The following ANKH variants were observed in gnomAD, a reference collection of about 807,000 sequenced individuals.
The protein encoded by ANKH is mineralization regulator ANKH.
In ANKH, 15 loss-of-function variants were observed where a neutral mutation model predicts 49.0. The observed-to-expected ratio is 0.31, with a 90% CI of 0.20 to 0.47. The LOEUF is 0.47. ANKH is among the 20% of genes least tolerant of loss of function. The probability of loss-of-function intolerance (pLI) is 1.00; values close to 1 mark genes in which losing one functional copy is unlikely to be tolerated. For missense variants in ANKH, 429 were observed against 652.0 expected (o/e 0.66, Z 3.72); for synonymous variants, 273 against 260.0 (o/e 1.05, Z -0.48).
chr5:14,834,983 C>G (rs1741612470), intron 1 of ANKH, among the ~76,000 whole-genome samples: 1 of 152,066 alleles, frequency 6.6e-6, no homozygotes, highest in South Asian at 2.1e-4. Context: ...ATCATTAAGA[C>G]AAAAGCACGG....
Position 14,806,674 on chromosome 5 carries a change from T to C in ANKH, c.97-37483A>G, listed in dbSNP as rs377511636. Among the ~76,000 whole-genome samples the C allele has an allele frequency of 5.3e-5, 8 of 152,226 alleles. No homozygotes were observed. The East Asian group carries it at 1.3e-3, about 26-fold the overall frequency. Reference sequence around the variant, plus strand: ...GTGTTGTTCTTGGAGGCCCTTCTAATGGGAACCGGCTGCGGCAGCTCTTCT... The same window carrying C: ...GTGTTGTTCTTGGAGGCCCTTCTAACGGGAACCGGCTGCGGCAGCTCTTCT... On this transcript the variant is annotated intron_variant, in intron 1 of 11. Transcript: ENST00000284268.
intron 1 of ANKH, chr5:14,797,826 T>C: frequency 6.2e-7 from 1 of 1,611,484 alleles, no homozygotes; most frequent in East Asian, 2.2e-5. Context: ...ACTAAGTAAG[T>C]GCCCACTGAG....
At chr5:14,830,543 G>C (rs1290455332) in intron 1 of ANKH, among the ~76,000 whole-genome samples, 6 of 147,726 alleles carry the variant, frequency 4.1e-5, no homozygotes, top group South Asian at 2.2e-4. Flanking sequence ...GTGTGTCTGT[G>C]TGTGTGTGAG....
intron 1 of ANKH, among the ~76,000 whole-genome samples, chr5:14,866,403 G>A (rs943769387): frequency 1.3e-5 from 2 of 152,102 alleles, no homozygotes; most frequent in Non-Finnish European, 2.9e-5. Flanking sequence ...CTCCTTCAAG[G>A]TCTTCACAGC....
chr5:14,735,521 CAAAAT>C (rs574491928), intron 8 of ANKH, among the ~76,000 whole-genome samples: 18 of 152,318 alleles, frequency 1.2e-4, no homozygotes, highest in Middle Eastern at 3.4e-3. Context: ...GCACCCAAAA[CAAAAT>C]AACACAAACT....
At chr5:14,719,220 T>C (rs571757567) in intron 8 of ANKH, among the ~76,000 whole-genome samples, 1 of 152,340 alleles carries the variant, frequency 6.6e-6, no homozygotes, top group East Asian at 1.9e-4. Context: ...GCAATAAGTT[T>C]TGAAGGCGGA....
At chr5:14,811,324 G>A (rs938910481) in intron 1 of ANKH, among the ~76,000 whole-genome samples, 3 of 152,142 alleles carry the variant, frequency 2.0e-5, no homozygotes, top group Admixed American at 1.3e-4. Context: ...AAACCTGTGC[G>A]GTCTTAATAG....
At chr5:14,868,172 TCACGTATGTG>T (rs1735708272) in intron 1 of ANKH, among the ~76,000 whole-genome samples, 1 of 152,188 alleles carries the variant, frequency 6.6e-6, no homozygotes. Flanking sequence ...CTTTACATGG[TCACGTATGTG>T]CAGCTTATTT....
intron 1 of ANKH, among the ~76,000 whole-genome samples, chr5:14,783,876 G>C (rs1739890914): frequency 1.3e-5 from 2 of 152,078 alleles, no homozygotes; most frequent in Admixed American, 1.3e-4. Flanking sequence ...CTTTCACTCT[G>C]TAAATCCAGA....
In ANKH at chr5:14,713,346, C is replaced by T. The variant is rs75258015; in HGVS notation, c.1265+198G>A. On this transcript the variant is annotated intron_variant, in intron 10 of 11. Transcript: ENST00000284268. The surrounding 1 kb of genome is among the most constrained non-coding windows in gnomAD (Gnocchi z 4.4). ...TCAGTGGCTATTATTCGTGTCTGGG[C>T]CTGATTTCAAAAGCACTTTTCTAAA... is the stretch of plus-strand genomic sequence containing the variant. Among the ~76,000 whole-genome samples, 1,378 of 152,314 alleles carry T rather than the reference C, an allele frequency of 9.0e-3. 14 individuals are homozygous for T. Among genetic ancestry groups the T allele is most frequent in the African/African-American group, 0.032 (1,309 of 41,552 alleles).
chr5:14,777,567 T>C (rs952161657), intron 1 of ANKH, among the ~76,000 whole-genome samples: 2 of 152,224 alleles, frequency 1.3e-5, no homozygotes, highest in Non-Finnish European at 2.9e-5. Flanking sequence ...CATTGTAAAC[T>C]TCAGATCTAG....
At chr5:14,750,974 T>C in intron 5 of ANKH, 95 bp downstream of exon 5, 3 of 1,502,616 alleles carry the variant, frequency 2.0e-6, no homozygotes, top group Non-Finnish European at 2.8e-6. Context: ...ACTTCATGTT[T>C]TGATGTCACT....
chr5:14,758,782 T>C (rs1398436000), intron 2 of ANKH, among the ~76,000 whole-genome samples, 184 bp from the exon 3 acceptor site: 1 of 152,258 alleles, frequency 6.6e-6, no homozygotes, highest in Non-Finnish European at 1.5e-5. Flanking sequence ...TCACAGCCAA[T>C]GAATGCTCTG....
chr5:14,792,665 G>T (rs1580071630), intron 1 of ANKH, among the ~76,000 whole-genome samples: 1 of 151,958 alleles, frequency 6.6e-6, no homozygotes, highest in Non-Finnish European at 1.5e-5. Context: ...ACTCATCCTT[G>T]AAGTTACGTG....
At chr5:14,849,724 T>A (rs1299655107) in intron 1 of ANKH, among the ~76,000 whole-genome samples, 1 of 152,238 alleles carries the variant, frequency 6.6e-6, no homozygotes, top group Non-Finnish European at 1.5e-5. Flanking sequence ...ATTCAGCTCA[T>A]TCTAACCATA....
At chr5:14,845,361 TA>T (rs1233510586) in intron 1 of ANKH, among the ~76,000 whole-genome samples, 5 of 27,028 alleles carry the variant, frequency 1.8e-4, no homozygotes, top group Admixed American at 4.9e-4. Context: ...TATATATATA[TA>T]TATATTTTTT....
intron 1 of ANKH, among the ~76,000 whole-genome samples, chr5:14,823,608 C>T (rs755380257): frequency 9.2e-5 from 14 of 152,296 alleles, no homozygotes; most frequent in East Asian, 3.9e-4. Context: ...CAGCCTCTTA[C>T]GCATGAGAAG....
chr5:14,726,627 C>A (rs1247448522), intron 8 of ANKH, among the ~76,000 whole-genome samples: 1 of 152,110 alleles, frequency 6.6e-6, no homozygotes, highest in African/African-American at 2.4e-5. Flanking sequence ...TGTGAGCTGT[C>A]CCATGAGCTG....
chr5:14,839,962 C>T (rs1193531531), intron 1 of ANKH, among the ~76,000 whole-genome samples: 1 of 152,186 alleles, frequency 6.6e-6, no homozygotes, highest in Non-Finnish European at 1.5e-5. Flanking sequence ...TGTGATCAAA[C>T]CCAATAAATG....
Sources: allele counts gnomAD v4.1 joint callset (sites outside exome capture counted in the v4.1 genomes callset), GRCh38; gene constraint gnomAD v4.1.1; non-coding constraint Gnocchi (gnomAD v3.1); transcripts MANE v1.5; gene names NCBI Gene and HGNC (gene_info 2026-07-23, HGNC 2026-07-21).